Variants in PLEKHA5 observed in about 807,000 individuals in gnomAD.
PLEKHA5 encodes the protein pleckstrin homology domain containing A5.
In PLEKHA5, 55 loss-of-function variants were observed where a neutral mutation model predicts 181.9. That is an observed-to-expected ratio of 0.30 (90% confidence interval 0.24 to 0.38). The LOEUF is 0.38. Ranked by LOEUF, PLEKHA5 falls within the 10% of genes least tolerant of loss-of-function variation. PLEKHA5 has a pLI of 1.00. For synonymous variants in PLEKHA5, 535 were observed against 529.4 expected (o/e 1.01, Z -0.15); for missense variants, 1,432 against 1,549.5 (o/e 0.92, Z 1.27).
At chr12:19,354,207 T>TG (rs1464248843) in intron 26 of PLEKHA5, among the ~76,000 whole-genome samples, 1 of 126,950 alleles carries the variant, frequency 7.9e-6, no homozygotes, top group Non-Finnish European at 1.6e-5. Context: ...GCTGGAGTGC[T>TG]GTGGCGCGAT....
chr12:19,353,288 G>A (rs576086572), intron 25 of PLEKHA5, among the ~76,000 whole-genome samples: 19 of 152,108 alleles, frequency 1.2e-4, no homozygotes, highest in Non-Finnish European at 2.4e-4. Flanking sequence ...TGAGTTGCTG[G>A]AATTATAGAC....
At chr12:19,362,794 A>C (rs2095295329) in intron 29 of PLEKHA5, among the ~76,000 whole-genome samples, 1 of 152,000 alleles carries the variant, frequency 6.6e-6, no homozygotes, top group Admixed American at 6.6e-5. Context: ...AATACCTTAA[A>C]AAAAAAAAGT....
intron 21 of PLEKHA5, among the ~76,000 whole-genome samples, chr12:19,340,429 GC>G (rs2093787307): frequency 8.3e-6 from 1 of 120,818 alleles, no homozygotes; most frequent in Non-Finnish European, 2.0e-5. Context: ...CCTCTGCCCG[GC>G]CACCACCCCG....
At chr12:19,148,960 C>A (rs1476733792) in intron 3 of PLEKHA5, among the ~76,000 whole-genome samples, 1 of 152,082 alleles carries the variant, frequency 6.6e-6, no homozygotes, top group Non-Finnish European at 1.5e-5. Flanking sequence ...CTAAAAGAAG[C>A]TCTAGAAAGG....
Position 19,307,665 on chromosome 12 carries a change from T to C in PLEKHA5, c.2038-7149T>C, listed in dbSNP as rs535068700. 3.0e-5 allele frequency: 10 copies of C among 328,596 alleles called. No homozygotes were observed. In the South Asian group the frequency reaches 3.4e-4, roughly 11 times the overall value. The allele number at this position is 328,596 out of a possible 1,614,324, so 20.4% of individuals were successfully genotyped here. ...ACATTGTCAGTCTAGGAGTCGTTGA[T>C]GATTCAAAAGCCCAAGACAGAGAAG... On this transcript the variant is annotated intron_variant, in intron 15 of 31. Transcript: ENST00000429027.
At chr12:19,200,569 A>T (rs1028313385) in intron 3 of PLEKHA5, 2 of 1,242,042 alleles carry the variant, frequency 1.6e-6, no homozygotes, top group Admixed American at 7.6e-5. Context: ...TTCCTAGTAG[A>T]TCATACCTTG....
chr12:19,331,790 A>AG (rs1455995319), intron 20 of PLEKHA5, among the ~76,000 whole-genome samples: 2 of 152,138 alleles, frequency 1.3e-5, no homozygotes, highest in Non-Finnish European at 1.5e-5. Context: ...TGGGAGGCTG[A>AG]GGCAGGAGAA....
At chr12:19,298,588 C>T (rs1433986395) in intron 15 of PLEKHA5, among the ~76,000 whole-genome samples, 4 of 151,294 alleles carry the variant, frequency 2.6e-5, no homozygotes, top group Non-Finnish European at 2.9e-5. Context: ...AGGCTGGTCT[C>T]GAACTCCTGC....
chr12:19,314,916 G>T, intron 16 of PLEKHA5, 22 bp downstream of exon 16: 1 of 1,304,466 alleles, frequency 7.7e-7, no homozygotes, highest in South Asian at 1.3e-5. Context: ...GACAGTGAAT[G>T]ATACTGCTTT....
At chr12:19,302,295 G>A (rs535669689) in intron 15 of PLEKHA5, among the ~76,000 whole-genome samples, 2 of 152,334 alleles carry the variant, frequency 1.3e-5, no homozygotes, top group Non-Finnish European at 2.9e-5. Context: ...CACCCACACT[G>A]TTCAAGAAAA....
intron 3 of PLEKHA5, among the ~76,000 whole-genome samples, chr12:19,138,339 G>T (rs1392457248): frequency 3.9e-5 from 6 of 152,106 alleles, no homozygotes; most frequent in Admixed American, 3.3e-4. Context: ...TTGGGAGGCT[G>T]AGGCAGGCGG....
chr12:19,337,712 A>G (rs2093560175), intron 21 of PLEKHA5, among the ~76,000 whole-genome samples: 1 of 152,114 alleles, frequency 6.6e-6, no homozygotes, highest in Non-Finnish European at 1.5e-5. Flanking sequence ...TAACAGACAG[A>G]TCAATACAAT....
intron 3 of PLEKHA5, among the ~76,000 whole-genome samples, chr12:19,231,571 T>A (rs1592143144): frequency 7.1e-6 from 1 of 140,602 alleles, no homozygotes; most frequent in Non-Finnish European, 1.5e-5. Flanking sequence ...TGTACACATA[T>A]ATATGTATAT....
At chr12:19,336,142 T>C (rs1481965205) in intron 20 of PLEKHA5, among the ~76,000 whole-genome samples, 1 of 152,224 alleles carries the variant, frequency 6.6e-6, no homozygotes, top group Non-Finnish European at 1.5e-5. Flanking sequence ...CTAAATTCAT[T>C]TGTTTTATTG....
rs1487208396 is a variant in PLEKHA5 at position 19,375,982 on chromosome 12, T to G, written c.*463T>G. ...TACTGCAGTGCTTTTGTTTCACACT[T>G]GATTTGTAAAAATTTTATATATATG... On this transcript the variant is annotated 3_prime_UTR_variant, in exon 32 of 32. Transcript: ENST00000429027. 6.6e-6 allele frequency: 1 copy of G among 152,494 alleles called. No individual in the cohort carries two copies. Among genetic ancestry groups the G allele is most frequent in the Non-Finnish European group, 1.5e-5 (1 of 68,014 alleles). 9.4% of individuals were successfully genotyped at this position (152,494 alleles called of 1,614,324 possible).
intron 28 of PLEKHA5, among the ~76,000 whole-genome samples, chr12:19,360,600 C>T (rs532969084): frequency 4.7e-5 from 7 of 147,784 alleles, no homozygotes; most frequent in South Asian, 4.3e-4. Context: ...AGTGAGATTC[C>T]GTCTCAAAAA....
At chr12:19,173,014 T>TC (rs2046320614) in intron 3 of PLEKHA5, among the ~76,000 whole-genome samples, 2 of 86,178 alleles carry the variant, frequency 2.3e-5, no homozygotes, top group Non-Finnish European at 4.8e-5. Flanking sequence ...TCTTTTTTTT[T>TC]TTTTTTTTTT....
At chr12:19,156,196 G>GT (rs1555227365) in intron 3 of PLEKHA5, among the ~76,000 whole-genome samples, 9 of 127,094 alleles carry the variant, frequency 7.1e-5, no homozygotes, top group Admixed American at 3.8e-4. Context: ...TCCTTGATTT[G>GT]TTTTTTTTCC....
At chr12:19,314,717 A>G (rs1175301651) in intron 15 of PLEKHA5, 97 bp from the exon 16 acceptor site, 1 of 717,772 alleles carries the variant, frequency 1.4e-6, no homozygotes, top group African/African-American at 1.7e-5. Flanking sequence ...ACTATTAGGA[A>G]GATATTAAAG....
Sources: allele counts gnomAD v4.1 joint callset (sites outside exome capture counted in the v4.1 genomes callset), GRCh38; gene constraint gnomAD v4.1.1; transcripts MANE v1.5; gene names NCBI Gene and HGNC (gene_info 2026-07-23, HGNC 2026-07-21).